Variants in NELL2 observed in about 807,000 individuals in gnomAD.
NELL2 encodes the protein neural EGFL like 2.
In NELL2, 41 loss-of-function variants were observed where a neutral mutation model predicts 109.6. The observed-to-expected ratio is 0.37, with a 90% CI of 0.29 to 0.49. NELL2 has a LOEUF of 0.49. Ranked by LOEUF, NELL2 falls within the 20% of genes least tolerant of loss-of-function variation. The pLI is 0.98. For missense variants in NELL2, 900 were observed against 1,008.3 expected, an observed-to-expected ratio of 0.89 and a Z score of 1.45; for synonymous variants, 355 against 344.7, an observed-to-expected ratio of 1.03 and a Z score of -0.33.
intron 15 of NELL2, among the ~76,000 whole-genome samples, chr12:44,561,605 C>T (rs1361151321): frequency 6.6e-6 from 1 of 152,150 alleles, no homozygotes; most frequent in Non-Finnish European, 1.5e-5. Context: ...AAGAATACAA[C>T]TTACATGGGA....
chr12:44,853,523 C>T (rs542339251), intron 2 of NELL2, among the ~76,000 whole-genome samples: 1 of 152,166 alleles, frequency 6.6e-6, no homozygotes, highest in Admixed American at 6.6e-5. Context: ...GAAAAAATCC[C>T]TCTTTTCATT....
chr12:44,570,728 T>A (rs150596641), intron 15 of NELL2, among the ~76,000 whole-genome samples: 1 of 152,204 alleles, frequency 6.6e-6, no homozygotes, highest in Non-Finnish European at 1.5e-5. Flanking sequence ...AATATAATAC[T>A]CTGTTCATCT....
chr12:44,707,298 G>C (rs907791178), intron 11 of NELL2, among the ~76,000 whole-genome samples: 1 of 152,162 alleles, frequency 6.6e-6, no homozygotes, highest in Non-Finnish European at 1.5e-5. Flanking sequence ...GTTTTATTCA[G>C]TGTATGAGAA....
At chr12:44,917,294 G>A (rs555792147), upstream of NELL2, among the ~76,000 whole-genome samples, 6 of 152,318 alleles carry the variant, frequency 3.9e-5, no homozygotes, top group Admixed American at 1.3e-4. Flanking sequence ...ACATTATGAC[G>A]TAGAAAGAGC....
intron 9 of NELL2, among the ~76,000 whole-genome samples, chr12:44,738,769 T>G (rs1939784082): frequency 6.6e-6 from 1 of 152,220 alleles, no homozygotes; most frequent in Non-Finnish European, 1.5e-5. Flanking sequence ...TAGTTAATAA[T>G]AACGTATTGT....
intron 12 of NELL2, among the ~76,000 whole-genome samples, chr12:44,691,008 A>G (rs1235532344): frequency 6.6e-6 from 1 of 152,192 alleles, no homozygotes; most frequent in Non-Finnish European, 1.5e-5. Flanking sequence ...CTTGATTATG[A>G]ATATTTTATA....
chr12:44,648,960 T>A (rs1024720122), intron 13 of NELL2, among the ~76,000 whole-genome samples: 3 of 133,926 alleles, frequency 2.2e-5, no homozygotes, highest in African/African-American at 8.5e-5. Flanking sequence ...GAGACAGGGT[T>A]TCACCATGTT....
chr12:44,565,215 T>C (rs1943608333), intron 15 of NELL2, among the ~76,000 whole-genome samples: 1 of 152,178 alleles, frequency 6.6e-6, no homozygotes. Context: ...CTTTTAGTTT[T>C]GGCCTTCAAG....
chr12:44,645,386 T>C (rs568163522), intron 13 of NELL2, among the ~76,000 whole-genome samples: 2 of 152,296 alleles, frequency 1.3e-5, no homozygotes, highest in South Asian at 4.1e-4. Flanking sequence ...TAGACTTCTA[T>C]AATGGAAGGG....
chr12:44,681,487 T>C (rs966610403), intron 12 of NELL2, among the ~76,000 whole-genome samples: 3 of 152,028 alleles, frequency 2.0e-5, no homozygotes, highest in African/African-American at 7.2e-5. Flanking sequence ...TACATATGTA[T>C]ACATGCTCCA....
intron 3 of NELL2, among the ~76,000 whole-genome samples, chr12:44,801,087 G>T (rs1050743227): frequency 2.0e-5 from 3 of 152,116 alleles, no homozygotes; most frequent in Non-Finnish European, 4.4e-5. Flanking sequence ...CTAACTAGAG[G>T]AAACAGAACC....
intron 2 of NELL2, among the ~76,000 whole-genome samples, chr12:44,846,705 T>C (rs1944380743): frequency 6.6e-6 from 1 of 152,212 alleles, no homozygotes; most frequent in Non-Finnish European, 1.5e-5. Context: ...CTAAAACATA[T>C]TTTTTCTAGT....
intron 13 of NELL2, among the ~76,000 whole-genome samples, chr12:44,647,001 G>T (rs1363410148): frequency 6.6e-6 from 1 of 152,192 alleles, no homozygotes; most frequent in Non-Finnish European, 1.5e-5. Flanking sequence ...ATAAAGCGTT[G>T]TAAGCATTAT....
chr12:44,747,278 A>C (rs772625785), intron 9 of NELL2, among the ~76,000 whole-genome samples: 29 of 152,008 alleles, frequency 1.9e-4, no homozygotes, highest in Non-Finnish European at 3.5e-4. Flanking sequence ...GAAGGGGAAC[A>C]TCACACACCG....
Position 44,519,988 on chromosome 12 carries a change from A to C in NELL2, c.2400+17T>G. 1 of 1,611,192 alleles carries C rather than the reference A, an allele frequency of 6.2e-7. No individual in the cohort carries two copies. The highest frequency in any genetic ancestry group is 8.5e-7 in the Non-Finnish European group (1 of 1,177,498). On this transcript the variant is annotated intron_variant, in intron 19 of 19. Coordinates refer to ENST00000429094, the MANE Select transcript of NELL2 (RefSeq NM_001145108.2). ...CAGCTGGCAAAGTGCTCACTATTTA[A>C]ATTTAATGGAGTTTACCTTGCACTG... is the stretch of plus-strand genomic sequence containing the variant.
chr12:44,752,047 A>G (rs1940675645), intron 9 of NELL2, among the ~76,000 whole-genome samples: 1 of 152,188 alleles, frequency 6.6e-6, no homozygotes, highest in Admixed American at 6.5e-5. Flanking sequence ...CCTGGGCTGC[A>G]TGCAGCCCGT....
At chr12:44,683,570 T>G (rs1373284479) in intron 12 of NELL2, among the ~76,000 whole-genome samples, 15 of 152,038 alleles carry the variant, frequency 9.9e-5, no homozygotes, top group African/African-American at 2.9e-4. Flanking sequence ...CATAGATAGC[T>G]CTTATTATTT....
At chr12:44,648,943 T>TGTGTGTGTGTGTGTGTGTGTG (rs1292852759) in intron 13 of NELL2, among the ~76,000 whole-genome samples, 3 of 147,650 alleles carry the variant, frequency 2.0e-5, no homozygotes, top group South Asian at 2.1e-4. Flanking sequence ...TGTGTGTGTG[T>TGTGTGTGTGTGTGTGTGTGTG]TTAGTAGAGA....
chr12:44,595,992 C>G (rs774962678), intron 15 of NELL2, among the ~76,000 whole-genome samples: 3 of 152,140 alleles, frequency 2.0e-5, no homozygotes, highest in Non-Finnish European at 4.4e-5. Flanking sequence ...AGAATTCATT[C>G]TTCTTAAGAG....
Sources: gnomAD v4.1 joint callset for allele counts (sites outside exome capture counted in the v4.1 genomes callset) on GRCh38, gnomAD v4.1.1 for gene constraint, MANE v1.5 for transcripts, NCBI Gene and HGNC (gene_info 2026-07-23, HGNC 2026-07-21) for gene names.